NRXN3: variants seen among roughly 807,000 people sequenced by gnomAD.
NRXN3 encodes neurexin 3.
Under a neutral mutation model 137.6 loss-of-function variants are expected in NRXN3, and 32 were observed. That is an observed-to-expected ratio of 0.23 (90% CI 0.18 to 0.31). The LOEUF (loss-of-function observed/expected upper bound fraction) is 0.31, where lower values mean the gene tolerates loss of function less well. Ranked by LOEUF, NRXN3 falls within the 10% of genes least tolerant of loss-of-function variation. The pLI is 1.00. For missense variants in NRXN3, 1,574 were observed against 2,062.5 expected (o/e 0.76, Z 4.59); for synonymous variants, 798 against 784.5 (o/e 1.02, Z -0.29).
Position 79,697,739 on chromosome 14 carries a change from A to G in NRXN3, c.3816A>G (p.Lys1272=), listed in dbSNP as rs1257816500. 1 of 1,613,206 alleles carries G rather than the reference A, an allele frequency of 6.2e-7. No individual in the cohort carries two copies. The highest frequency in any genetic ancestry group is 8.5e-7 in the Non-Finnish European group (1 of 1,179,450). ...QLSGLYYDGL[K]VLNMAAENNP... ...CTGGGCTCTATTATGATGGTTTGAA[A>G]GTACTGAACATGGCGGCTGAGAACA... Residue 1272 remains lysine (K), a synonymous_variant, in exon 19 of 21, where the codon AAA becomes AAG. Coordinates refer to ENST00000335750, the MANE Select transcript of NRXN3 (RefSeq NM_001330195.2).
rs577847239 is a variant in NRXN3, at chr14:78,259,440, G to A, written c.709+15638G>A. Among the ~76,000 whole-genome samples the A allele has an allele frequency of 3.3e-5, 5 of 152,236 alleles. No individual in the cohort carries two copies. The South Asian group carries it at 1.0e-3, about 32-fold the overall frequency. On this transcript the variant is annotated intron_variant, in intron 2 of 20. Transcript: ENST00000335750. Reference sequence around the variant, plus strand: ...TTGGCTAAGTTTTTCTGAGGGTCTGGCGTAGAACTCTTGGGGGTGCCAGTG... The same window carrying A: ...TTGGCTAAGTTTTTCTGAGGGTCTGACGTAGAACTCTTGGGGGTGCCAGTG...
At chr14:79,217,305 C>G (rs956867152) in intron 15 of NRXN3, among the ~76,000 whole-genome samples, 3 of 152,062 alleles carry the variant, frequency 2.0e-5, no homozygotes, top group Admixed American at 2.0e-4. Flanking sequence ...ATGACGAGAG[C>G]AGGAGCAAGA....
chr14:78,297,314 GAA>G (rs1166225269), intron 3 of NRXN3, among the ~76,000 whole-genome samples: 1 of 151,858 alleles, frequency 6.6e-6, no homozygotes, highest in East Asian at 1.9e-4. Flanking sequence ...ACTATCTAGA[GAA>G]AAAAAAGTTG....
intron 10 of NRXN3, among the ~76,000 whole-genome samples, chr14:78,836,144 A>G (rs560292550): frequency 2.6e-5 from 4 of 152,302 alleles, no homozygotes; most frequent in East Asian, 1.9e-4. Flanking sequence ...TTAAAATCAT[A>G]TGCACTAGAA....
chr14:79,286,028 T>C (rs1976115778), intron 15 of NRXN3, among the ~76,000 whole-genome samples: 1 of 152,158 alleles, frequency 6.6e-6, no homozygotes, highest in Non-Finnish European at 1.5e-5. Context: ...TAATGTTGTG[T>C]TTACAGATAT....
intron 4 of NRXN3, among the ~76,000 whole-genome samples, chr14:78,520,752 G>C (rs554587691): frequency 6.6e-6 from 1 of 152,298 alleles, no homozygotes; most frequent in African/African-American, 2.4e-5. Context: ...AAGTGATGCA[G>C]TTGGGAACGA....
At chr14:78,766,206 T>C (rs1396500059) in intron 8 of NRXN3, among the ~76,000 whole-genome samples, 1 of 152,202 alleles carries the variant, frequency 6.6e-6, no homozygotes, top group Non-Finnish European at 1.5e-5. Context: ...TCTAGTTCTC[T>C]TTACCTTGAG....
chr14:78,988,849 T>C (rs1033113327), intron 15 of NRXN3, among the ~76,000 whole-genome samples: 3 of 152,166 alleles, frequency 2.0e-5, no homozygotes, highest in Admixed American at 2.0e-4. Context: ...TATTATGTAT[T>C]TGGTTTTTAT....
intron 15 of NRXN3, among the ~76,000 whole-genome samples, chr14:79,038,422 C>A (rs1356098805): frequency 6.6e-6 from 1 of 152,022 alleles, no homozygotes; most frequent in Non-Finnish European, 1.5e-5. Flanking sequence ...ATTGCTTTTT[C>A]AATTACAAAA....
At chr14:78,256,366 GT>G (rs1458989487) in intron 2 of NRXN3, among the ~76,000 whole-genome samples, 1 of 152,242 alleles carries the variant, frequency 6.6e-6, no homozygotes, top group Non-Finnish European at 1.5e-5. Context: ...AGAATTCTCT[GT>G]TGGTTAGAGG....
chr14:78,897,497 A>C (rs975432068), intron 10 of NRXN3, among the ~76,000 whole-genome samples: 1 of 151,890 alleles, frequency 6.6e-6, no homozygotes, highest in African/African-American at 2.4e-5. Context: ...ACAAAGCTAC[A>C]GTTATGAGAA....
chr14:78,295,612 A>G (rs1382563700), intron 3 of NRXN3, among the ~76,000 whole-genome samples: 1 of 152,204 alleles, frequency 6.6e-6, no homozygotes, highest in Non-Finnish European at 1.5e-5. Flanking sequence ...CTCAAGTTCC[A>G]GTAAGCATGG....
At chr14:79,323,493 G>A (rs2090375748) in intron 15 of NRXN3, among the ~76,000 whole-genome samples, 1 of 152,344 alleles carries the variant, frequency 6.6e-6, no homozygotes, top group African/African-American at 2.4e-5. Context: ...AATGAAGCAT[G>A]AGACATTAGG....
intron 19 of NRXN3, among the ~76,000 whole-genome samples, chr14:79,736,654 T>G (rs1456532210): frequency 6.6e-6 from 1 of 152,156 alleles, no homozygotes; most frequent in Non-Finnish European, 1.5e-5. Context: ...ATCGCGAGTG[T>G]GGAGGCTGTG....
chr14:78,846,143 C>A (rs1001012903), intron 10 of NRXN3, among the ~76,000 whole-genome samples: 2 of 151,998 alleles, frequency 1.3e-5, no homozygotes, highest in Admixed American at 1.3e-4. Context: ...TACAACACTC[C>A]CACTTTCAAA....
intron 10 of NRXN3, among the ~76,000 whole-genome samples, chr14:78,833,486 C>T (rs560901005): frequency 3.7e-4 from 56 of 152,264 alleles, no homozygotes; most frequent in Middle Eastern, 3.4e-3. Context: ...TGGTTTTGTT[C>T]CCATACTTAA....
At chr14:78,498,484 G>C (rs1488393915) in intron 4 of NRXN3, among the ~76,000 whole-genome samples, 2 of 152,164 alleles carry the variant, frequency 1.3e-5, no homozygotes, top group Admixed American at 6.6e-5. Flanking sequence ...TCCAGGAAGA[G>C]TTTAACCTTG....
At chr14:78,257,978 G>A (rs1567100625) in intron 2 of NRXN3, among the ~76,000 whole-genome samples, 1 of 152,164 alleles carries the variant, frequency 6.6e-6, no homozygotes, top group Non-Finnish European at 1.5e-5. Flanking sequence ...ATATCAAGGA[G>A]AGGAACTTAA....
chr14:79,740,740 A>T (rs1346406834), intron 19 of NRXN3, among the ~76,000 whole-genome samples: 1 of 44,804 alleles, frequency 2.2e-5, no homozygotes, highest in African/African-American at 8.4e-5. Context: ...ATATATATAT[A>T]TATATATATA....
Sources: allele counts gnomAD v4.1 joint callset (sites outside exome capture counted in the v4.1 genomes callset), GRCh38; gene constraint gnomAD v4.1.1; transcripts MANE v1.5; gene names NCBI Gene and HGNC (gene_info 2026-07-23, HGNC 2026-07-21).